The following RIMS2 variants were observed in gnomAD, a reference collection of about 807,000 sequenced individuals.
RIMS2 encodes the protein regulating synaptic membrane exocytosis protein 2.
In RIMS2, 59 loss-of-function variants were observed where a neutral mutation model predicts 174.4. The ratio of observed to expected loss-of-function variants is 0.34; its 90% CI spans 0.27 to 0.42. RIMS2 has a LOEUF of 0.42. RIMS2 is among the 10% of genes least tolerant of loss of function. The pLI is 1.00. For missense variants in RIMS2, 1,620 were observed against 1,666.3 expected (o/e 0.97, Z 0.48); for synonymous variants, 606 against 572.5 (o/e 1.06, Z -0.84).
intron 19 of RIMS2, among the ~76,000 whole-genome samples, chr8:104,180,715 G>A (rs1345274759): frequency 1.3e-5 from 2 of 151,636 alleles, no homozygotes; most frequent in Non-Finnish European, 3.0e-5. Flanking sequence ...ACTATTTAAT[G>A]TATTAATATG....
At chr8:103,789,538 C>G (rs1371492855) in intron 3 of RIMS2, among the ~76,000 whole-genome samples, 2 of 152,208 alleles carry the variant, frequency 1.3e-5, no homozygotes, top group East Asian at 3.9e-4. Flanking sequence ...GGAGTGATAT[C>G]TCATCATATT....
chr8:104,008,286 A>G (rs1327428835), intron 17 of RIMS2, among the ~76,000 whole-genome samples: 1 of 152,022 alleles, frequency 6.6e-6, no homozygotes, highest in African/African-American at 2.4e-5. Context: ...TTTACAGGTA[A>G]CATGTCATAT....
intron 19 of RIMS2, among the ~76,000 whole-genome samples, chr8:104,100,950 T>TGTATATG (rs201411140): frequency 7.6e-6 from 1 of 131,136 alleles, no homozygotes; most frequent in South Asian, 2.3e-4. Flanking sequence ...TATTATATAG[T>TGTATATG]ATATATGATA....
intron 19 of RIMS2, among the ~76,000 whole-genome samples, chr8:104,102,830 T>A (rs1319742743): frequency 6.6e-6 from 1 of 152,088 alleles, no homozygotes; most frequent in African/African-American, 2.4e-5. Flanking sequence ...ACCCAATCCC[T>A]CCAATGACAC....
At chr8:103,920,691 T>G (rs564997516) in intron 9 of RIMS2, 1 of 457,168 alleles carries the variant, frequency 2.2e-6, no homozygotes, top group Non-Finnish European at 4.4e-6. Flanking sequence ...TCCATTCCCT[T>G]AAATATAGGT....
chr8:104,123,813 G>C (rs550082132), intron 19 of RIMS2, among the ~76,000 whole-genome samples: 85 of 152,120 alleles, frequency 5.6e-4, no homozygotes, highest in Non-Finnish European at 9.9e-4. Flanking sequence ...AGGAAAATAG[G>C]AGAATAGTAA....
At chr8:103,949,811 CAG>C (rs2084878373) in intron 14 of RIMS2, among the ~76,000 whole-genome samples, 2 of 152,022 alleles carry the variant, frequency 1.3e-5, no homozygotes, top group South Asian at 4.2e-4. Flanking sequence ...GAAATAAAGA[CAG>C]AAAGTCAATT....
intron 1 of RIMS2, among the ~76,000 whole-genome samples, chr8:103,685,547 C>G (rs1221586792): frequency 2.0e-5 from 3 of 152,146 alleles, no homozygotes; most frequent in Non-Finnish European, 4.4e-5. Context: ...AATGATATCA[C>G]TAGTTTTACA....
chr8:103,532,614 C>T (rs963677187), intron 1 of RIMS2, among the ~76,000 whole-genome samples: 1 of 152,174 alleles, frequency 6.6e-6, no homozygotes, highest in South Asian at 2.1e-4. Context: ...ATTGTATGGG[C>T]TGCTTTTGCA....
chr8:104,255,901 G>A (rs768276933), downstream of RIMS2: 1 of 152,116 alleles, frequency 6.6e-6, no homozygotes, highest in Admixed American at 6.6e-5. Flanking sequence ...TCTTCCATAT[G>A]CCCTGACTCA....
intron 19 of RIMS2, among the ~76,000 whole-genome samples, chr8:104,195,309 T>C (rs1037277085): frequency 6.6e-6 from 1 of 152,080 alleles, no homozygotes; most frequent in Non-Finnish European, 1.5e-5. Context: ...TTTTCTACCT[T>C]GGATGACTGA....
intron 19 of RIMS2, among the ~76,000 whole-genome samples, chr8:104,200,409 T>C (rs2099048813): frequency 6.6e-6 from 1 of 152,140 alleles, no homozygotes; most frequent in South Asian, 2.1e-4. Flanking sequence ...GGAAAATAAA[T>C]CTGGCAGAGA....
chr8:103,805,000 G>T (rs2098640503), intron 3 of RIMS2, among the ~76,000 whole-genome samples: 1 of 151,856 alleles, frequency 6.6e-6, no homozygotes, highest in Non-Finnish European at 1.5e-5. Flanking sequence ...TGACTATGTT[G>T]CCCAGGCTAG....
At chr8:103,673,386 T>G (rs948859009) in intron 1 of RIMS2, among the ~76,000 whole-genome samples, 3 of 152,200 alleles carry the variant, frequency 2.0e-5, no homozygotes, top group African/African-American at 4.8e-5. Flanking sequence ...AGATTCTCTG[T>G]GAGGGCTCCA....
chr8:104,089,125 T>C (rs540725657), intron 19 of RIMS2, among the ~76,000 whole-genome samples: 1 of 152,092 alleles, frequency 6.6e-6, no homozygotes, highest in South Asian at 2.1e-4. Flanking sequence ...GCTAAGATCG[T>C]ATTATCCTTC....
At chr8:104,037,834 C>T (rs2154557208) in intron 19 of RIMS2, among the ~76,000 whole-genome samples, 1 of 152,178 alleles carries the variant, frequency 6.6e-6, no homozygotes, top group Non-Finnish European at 1.5e-5. Flanking sequence ...TACAGTCATG[C>T]ATCACATAAT....
At chr8:104,141,655 C>T (rs1169029847) in intron 19 of RIMS2, among the ~76,000 whole-genome samples, 4 of 152,206 alleles carry the variant, frequency 2.6e-5, no homozygotes, top group Non-Finnish European at 5.9e-5. Context: ...AGGCCTTATC[C>T]TGTCTACAAT....
At chr8:103,755,340 T>A (rs568372542) in intron 2 of RIMS2, among the ~76,000 whole-genome samples, 4 of 152,210 alleles carry the variant, frequency 2.6e-5, no homozygotes, top group Non-Finnish European at 5.9e-5. Context: ...AACCTGCCTT[T>A]TCTCTCTGGC....
At position 103,812,352 on chromosome 8, in the gene RIMS2, TTTG is replaced by T. The variant is rs1300272668; in HGVS notation, c.698+45824_698+45826del. Among the ~76,000 whole-genome samples the T allele has an allele frequency of 2.0e-3, 300 of 148,372 alleles. 1 individual carries two copies. The highest frequency in any genetic ancestry group is 7.2e-3 in the African/African-American group (286 of 39,814). ...CCTTGTTTTTTTTTTTTTTTTTTTT[TTTG>T]TTGTTGTTTTTGAGACAGAGTTTCA... On this transcript the variant is annotated intron_variant, in intron 3 of 23. Coordinates refer to ENST00000504942, the Ensembl canonical transcript of RIMS2.
Sources: gnomAD v4.1 joint callset for allele counts (sites outside exome capture counted in the v4.1 genomes callset) on GRCh38, gnomAD v4.1.1 for gene constraint, MANE v1.5 for transcripts, NCBI Gene and HGNC (gene_info 2026-07-23, HGNC 2026-07-21) for gene names.